The following COPS5 variants were observed in gnomAD, a reference collection of about 807,000 sequenced individuals.
COPS5 encodes COP9 signalosome subunit 5.
A neutral mutation model predicts 44.4 loss-of-function variants in COPS5; 8 were observed. The observed-to-expected ratio is 0.18, with a 90% confidence interval of 0.11 to 0.32. The LOEUF is 0.32. Ranked by LOEUF, COPS5 falls within the 10% of genes least tolerant of loss-of-function variation. The pLI, the probability that COPS5 is intolerant of heterozygous loss-of-function variation, is 1.00. For synonymous variants in COPS5, 122 were observed against 142.8 expected (o/e 0.85, Z 1.04); for missense variants, 159 against 406.4 (o/e 0.39, Z 5.23).
In COPS5 at chr8:67,059,424, G is replaced by A. The variant is rs1804554604; in HGVS notation, c.165C>T (p.Cys55=). ...TCAGCAGAGCCAATGCTGAGATTTTGCAGTACTTAAAGTAATGGTGACTGC... is the reference window on the plus strand; with the variant it reads ...TCAGCAGAGCCAATGCTGAGATTTTACAGTACTTAAAGTAATGGTGACTGC... The part of the protein sequence containing the change: ...WTKDHHYFKY[C]KISALALLKM... The change falls in exon 2 of 8, where the codon TGC becomes TGT. Residue 55 remains cysteine (C), a synonymous_variant. Transcript: ENST00000357849. The A allele has an allele frequency of 6.2e-7, 1 of 1,613,806 alleles. No homozygotes were observed. The highest frequency in any genetic ancestry group is 1.3e-5 in the African/African-American group (1 of 74,910).
chr8:67,054,924 A>G (rs767405405), intron 5 of COPS5, among the ~76,000 whole-genome samples: 2 of 152,250 alleles, frequency 1.3e-5, no homozygotes, highest in African/African-American at 4.8e-5. Context: ...TACAGTGCTA[A>G]GAAGAAAAAG....
chr8:67,060,225 T>C lies in COPS5; in HGVS notation c.144-780A>G, dbSNP rs888832260. The C allele has an allele frequency of 1.8e-5, 10 of 545,238 alleles. No homozygotes were observed. The African/African-American group carries it at 2.0e-4, about 11-fold the overall frequency. The allele number at this position is 545,238 out of a possible 1,614,324, so 33.8% of individuals were successfully genotyped here. ...GAATAAAATTACATTTTGGTCTCATTAATGCAGCCCAAGACAGCTAGGATG... is the reference window on the plus strand; with the variant it reads ...GAATAAAATTACATTTTGGTCTCATCAATGCAGCCCAAGACAGCTAGGATG... On this transcript the variant is annotated intron_variant, in intron 1 of 7. Transcript: ENST00000357849.
intron 5 of COPS5, 143 bp downstream of exon 5, chr8:67,056,375 TG>T (rs1804501911): frequency 1.4e-5 from 4 of 279,932 alleles, no homozygotes; most frequent in Non-Finnish European, 2.8e-5. Context: ...TAACATTTTT[TG>T]TAGAGATGGG....
At chr8:67,053,955 G>A (rs1804457923) in intron 5 of COPS5, among the ~76,000 whole-genome samples, 1 of 148,090 alleles carries the variant, frequency 6.8e-6, no homozygotes, top group African/African-American at 2.5e-5. Flanking sequence ...GCAGTGAGCC[G>A]AGATCACACC....
Position 67,051,247 on chromosome 8 carries a change from A to T in COPS5, c.754T>A (p.Ser252Thr), listed in dbSNP as rs1367430036. Residue 252 changes from serine (S) to threonine (T), a missense_variant, in exon 6 of 8, where the codon TCT (serine) becomes ACT (threonine). Transcript: ENST00000357849. ...GTACTTACAGTAAGCAAGCTAGAAG[A>T]ACTCAACGTATTCACCCAGTATTTA... ...WNKYWVNTLSSSSLLTNADYT... is the reference protein window; with the variant it reads ...WNKYWVNTLSTSSLLTNADYT... 1.2e-6 allele frequency: 2 copies of T among 1,604,372 alleles called. No homozygotes were observed. Among genetic ancestry groups the T allele is most frequent in the Non-Finnish European group, 1.7e-6 (2 of 1,171,864 alleles).
Position 67,051,475 on chromosome 8 carries a change from C to T in COPS5, c.660-134G>A, listed in dbSNP as rs565672472. On this transcript the variant is annotated intron_variant, in intron 5 of 7. Coordinates refer to ENST00000357849, the MANE Select transcript of COPS5 (RefSeq NM_006837.3). The stretch of plus-strand genomic sequence containing the variant: ...CATTTTAGTCTTTATTCCAATAAGG[C>T]AATAGCTAACCATGGTTTCCTCACA... 407 of 587,194 alleles carry T rather than the reference C, an allele frequency of 6.9e-4. 6 individuals carry two copies. The South Asian group carries it at 8.9e-3, about 13-fold the overall frequency. 36.4% of individuals were successfully genotyped at this position (587,194 alleles called of 1,614,324 possible).
chr8:67,059,829 G>A (rs1804559649), intron 1 of COPS5: 1 of 196,148 alleles, frequency 5.1e-6, no homozygotes, highest in African/African-American at 2.4e-5. Flanking sequence ...GGTTAAGAAT[G>A]TGGGTTCTGA....
intron 6 of COPS5, among the ~76,000 whole-genome samples, chr8:67,047,460 G>A (rs1370915021): frequency 5.3e-5 from 8 of 152,118 alleles, no homozygotes; most frequent in Non-Finnish European, 1.0e-4. Context: ...ACCAGAAATA[G>A]TTATACTATT....
At chr8:67,045,289 A>C (rs1816685466) in intron 7 of COPS5, 1 of 152,394 alleles carries the variant, frequency 6.6e-6, no homozygotes, top group South Asian at 2.1e-4. Context: ...CCATCTCTAC[A>C]AAAAATACAA....
intron 6 of COPS5, among the ~76,000 whole-genome samples, chr8:67,050,091 C>G (rs1281016628): frequency 1.3e-5 from 2 of 151,926 alleles, no homozygotes; most frequent in African/African-American, 4.8e-5. Flanking sequence ...GGCTCTGCCC[C>G]CCGGGGCTCA....
chr8:67,052,247 G>A (rs1004489150), intron 5 of COPS5, among the ~76,000 whole-genome samples: 2 of 152,040 alleles, frequency 1.3e-5, no homozygotes, highest in African/African-American at 4.8e-5. Flanking sequence ...TATGTGGAGA[G>A]CAAGGAGGGC....
chr8:67,059,523 G>A (rs1804556077), intron 1 of COPS5, 78 bp from the exon 2 acceptor site: 3 of 1,049,098 alleles, frequency 2.9e-6, no homozygotes, highest in Non-Finnish European at 2.9e-6. Flanking sequence ...AAGATAAAGA[G>A]TAAGTATTGA....
chr8:67,061,670 G>C (rs1804634879), intron 1 of COPS5, 184 bp downstream of exon 1: 2 of 618,528 alleles, frequency 3.2e-6, no homozygotes, highest in Non-Finnish European at 5.6e-6. Context: ...ATGGATTAAA[G>C]CGACAGAAAG....
rs781307881 is a variant in COPS5 at position 67,059,388 on chromosome 8, C to T, written c.201G>A (p.Met67Ile). The T allele has an allele frequency of 6.2e-7, 1 of 1,614,232 alleles. No homozygotes were observed. The highest frequency in any genetic ancestry group is 1.1e-5 in the South Asian group (1 of 91,086). The change falls in exon 2 of 8, where the codon ATG (methionine) becomes ATA (isoleucine). Residue 67 changes from methionine to isoleucine, a missense_variant. Met to Ile is a conservative substitution (Grantham distance 10). Transcript: ENST00000357849. The stretch of plus-strand genomic sequence containing the variant: ...CCAAGTTGCCTCCCGATCTGGCATG[C>T]ATCACCATCTTCAGCAGAGCCAATG... ...ISALALLKMV[M>I]HARSGGNLEV...
chr8:67,060,506 G>A, intron 1 of COPS5: 2 of 1,289,324 alleles, frequency 1.6e-6, no homozygotes, highest in Non-Finnish European at 2.0e-6. Context: ...CCTCATGTTG[G>A]AAGTCAAGAC....
intron 7 of COPS5, chr8:67,044,209 AT>A (rs988906594): frequency 4.0e-5 from 6 of 150,362 alleles, no homozygotes; most frequent in Middle Eastern, 3.4e-3. Context: ...TGCCCAGCTA[AT>A]TTTTTTTTTA....
At chr8:67,043,868 C>G (rs1816667450) in intron 7 of COPS5, 1 of 152,142 alleles carries the variant, frequency 6.6e-6, no homozygotes, top group African/African-American at 2.4e-5. Context: ...AAGGAAAATT[C>G]TCTACTTTTG....
intron 6 of COPS5, among the ~76,000 whole-genome samples, chr8:67,049,308 AC>A (rs1816739648): frequency 6.6e-6 from 1 of 152,146 alleles, no homozygotes; most frequent in African/African-American, 2.4e-5. Context: ...ACAAAAAGAT[AC>A]AAAAATTAGC....
chr8:67,045,543 T>A (rs2129537720), intron 7 of COPS5: 2 of 399,054 alleles, frequency 5.0e-6, no homozygotes, highest in Non-Finnish European at 9.1e-6. Context: ...CACTTTCTAG[T>A]TGAACCTAGA....
Sources: allele counts gnomAD v4.1 joint callset (sites outside exome capture counted in the v4.1 genomes callset), GRCh38; gene constraint gnomAD v4.1.1; transcripts MANE v1.5; gene names NCBI Gene and HGNC (gene_info 2026-07-23, HGNC 2026-07-21).